The following IGF1R variants were observed in gnomAD, a reference collection of about 807,000 sequenced individuals.
The protein encoded by IGF1R is insulin-like growth factor 1 receptor.
A neutral mutation model predicts 144.6 loss-of-function variants in IGF1R; 44 were observed. The observed-to-expected ratio is 0.30, with a 90% CI of 0.24 to 0.39. The LOEUF is 0.39. IGF1R is among the 10% of genes least tolerant of loss of function. The probability of loss-of-function intolerance (pLI) is 1.00; values close to 1 mark genes in which losing one functional copy is unlikely to be tolerated. For synonymous variants in IGF1R, 795 were observed against 722.8 expected (o/e 1.10, Z -1.60); for missense variants, 1,355 against 1,833.7 (o/e 0.74, Z 4.77).
chr15:98,945,911 G>A (rs1236423460), intron 19 of IGF1R, among the ~76,000 whole-genome samples: 2 of 152,012 alleles, frequency 1.3e-5, no homozygotes, highest in East Asian at 1.9e-4. Flanking sequence ...AGTTCACCTC[G>A]ACAAGCGTTT....
At chr15:98,650,929 C>G (rs893624741) in intron 1 of IGF1R, 2 of 984,888 alleles carry the variant, frequency 2.0e-6, no homozygotes, top group Admixed American at 6.2e-5. Context: ...AGAACTCCCC[C>G]CGGTGTCTAC....
chr15:98,680,950 T>C (rs1166967589), intron 1 of IGF1R, among the ~76,000 whole-genome samples: 1 of 151,952 alleles, frequency 6.6e-6, no homozygotes, highest in Non-Finnish European at 1.5e-5. Context: ...ATACTTACCA[T>C]GGTGTTACAA....
intron 13 of IGF1R, 45 bp from the exon 14 acceptor site, chr15:98,929,513 T>C (rs2151701185): frequency 1.4e-6 from 2 of 1,449,692 alleles, no homozygotes; most frequent in Non-Finnish European, 1.9e-6. Context: ...AATGAGCAAA[T>C]TGTTCACCTG....
At chr15:98,842,969 A>C (rs1251269530) in intron 2 of IGF1R, among the ~76,000 whole-genome samples, 1 of 152,336 alleles carries the variant, frequency 6.6e-6, no homozygotes, top group African/African-American at 2.4e-5. Context: ...ATAAATGGCA[A>C]TATGTGTAAC....
intron 8 of IGF1R, among the ~76,000 whole-genome samples, chr15:98,914,482 T>C (rs759097655): frequency 1.3e-5 from 2 of 152,210 alleles, no homozygotes; most frequent in Non-Finnish European, 2.9e-5. Flanking sequence ...TCCATGACCC[T>C]GTAAGTGGCC....
intron 15 of IGF1R, among the ~76,000 whole-genome samples, chr15:98,932,173 G>A (rs1319572465): frequency 2.6e-5 from 4 of 152,142 alleles, no homozygotes; most frequent in Non-Finnish European, 5.9e-5. Context: ...TTCATGATAC[G>A]TCTTGGTACT....
chr15:98,955,419 C>T (rs1388090465), intron 20 of IGF1R, among the ~76,000 whole-genome samples: 1 of 152,234 alleles, frequency 6.6e-6, no homozygotes, highest in Non-Finnish European at 1.5e-5. Flanking sequence ...GACTTGCAGG[C>T]CACAGTCTCT....
intron 15 of IGF1R, among the ~76,000 whole-genome samples, chr15:98,930,671 C>A (rs1339630296): frequency 6.6e-6 from 1 of 152,032 alleles, no homozygotes; most frequent in Non-Finnish European, 1.5e-5. Context: ...ACAAAACAGT[C>A]CTTTTAAACT....
In IGF1R at chr15:98,654,794, A is replaced by C. The variant is rs555695025; in HGVS notation, c.94+5119A>C. ...TATAATAGTTGCACACATGTTACGG[A>C]TATAGTTTCTTGATTTCCAGTCTGA... On this transcript the variant is annotated intron_variant, in intron 1 of 20. Transcript: ENST00000650285. Among the ~76,000 whole-genome samples, 26 of 152,298 alleles carry C rather than the reference A, an allele frequency of 1.7e-4. No homozygotes were observed. In the South Asian group the frequency reaches 5.0e-3, roughly 29 times the overall value.
intron 19 of IGF1R, among the ~76,000 whole-genome samples, chr15:98,946,809 C>T (rs897209520): frequency 5.3e-5 from 8 of 152,300 alleles, no homozygotes; most frequent in East Asian, 1.9e-4. Context: ...GCCTGCAAGC[C>T]GCTGACACAG....
At chr15:98,804,690 A>C (rs975821949) in intron 2 of IGF1R, among the ~76,000 whole-genome samples, 2 of 152,192 alleles carry the variant, frequency 1.3e-5, no homozygotes, top group Non-Finnish European at 2.9e-5. Flanking sequence ...TAATCCGTTT[A>C]CTGGAAGATA....
At chr15:98,723,655 G>A (rs926245901) in intron 2 of IGF1R, among the ~76,000 whole-genome samples, 1 of 152,206 alleles carries the variant, frequency 6.6e-6, no homozygotes. Context: ...GTTGCATTTA[G>A]TATGGATCAT....
At chr15:98,863,366 G>A (rs2012263059) in intron 2 of IGF1R, among the ~76,000 whole-genome samples, 1 of 152,056 alleles carries the variant, frequency 6.6e-6, no homozygotes, top group African/African-American at 2.4e-5. Flanking sequence ...TTTTCTCTTT[G>A]TAATTAGGAA....
At chr15:98,901,490 G>C (rs1411389303) in intron 5 of IGF1R, among the ~76,000 whole-genome samples, 1 of 152,186 alleles carries the variant, frequency 6.6e-6, no homozygotes, top group Non-Finnish European at 1.5e-5. Context: ...GTTTGCTTCA[G>C]GTGTTGAGAC....
At chr15:98,659,371 C>T (rs554166262) in intron 1 of IGF1R, among the ~76,000 whole-genome samples, 8 of 152,152 alleles carry the variant, frequency 5.3e-5, no homozygotes, top group African/African-American at 1.9e-4. Flanking sequence ...GTCCAGTGTG[C>T]ACTTTGCCCA....
intron 2 of IGF1R, among the ~76,000 whole-genome samples, chr15:98,791,645 C>T (rs749097714): frequency 1.2e-4 from 18 of 152,086 alleles, no homozygotes; most frequent in Non-Finnish European, 1.9e-4. Flanking sequence ...TTTCTGATTC[C>T]GTTTAAAATT....
chr15:98,852,215 T>A lies in IGF1R; in HGVS notation c.641-39110T>A, dbSNP rs555836070. 2.8e-4 allele frequency among the ~76,000 whole-genome samples: 43 copies of A among 152,272 alleles called. No individual in the cohort carries two copies. In the South Asian group the frequency reaches 6.4e-3, roughly 23 times the overall value. On this transcript the variant is annotated intron_variant, in intron 2 of 20. Coordinates refer to ENST00000650285, the MANE Select transcript of IGF1R (RefSeq NM_000875.5). ...AAGTCAGCAGTTCTGGCGCAGGGGC[T>A]CCGGGGGACGCCCGCTCCGCCGGCT...
At chr15:98,763,842 C>G (rs1327522367) in intron 2 of IGF1R, among the ~76,000 whole-genome samples, 1 of 152,150 alleles carries the variant, frequency 6.6e-6, no homozygotes, top group Non-Finnish European at 1.5e-5. Context: ...TCTAACAAGG[C>G]TCTGCAGCTG....
chr15:98,895,583 A>G (rs1287669099), intron 3 of IGF1R, among the ~76,000 whole-genome samples: 3 of 152,184 alleles, frequency 2.0e-5, no homozygotes. Context: ...CAGTTCCTGT[A>G]GGACCCTTGG....
Sources: gnomAD v4.1 joint callset for allele counts (sites outside exome capture counted in the v4.1 genomes callset) on GRCh38, gnomAD v4.1.1 for gene constraint, MANE v1.5 for transcripts, NCBI Gene and HGNC (gene_info 2026-07-23, HGNC 2026-07-21) for gene names.